PHKB: variants seen among roughly 807,000 people sequenced by gnomAD.
PHKB encodes the protein phosphorylase kinase regulatory subunit beta.
PHKB carries 122 observed loss-of-function variants against 152.1 expected under a neutral mutation model. That is an observed-to-expected ratio of 0.80 (90% CI 0.69 to 0.93). PHKB has a LOEUF of 0.93. Ranked by LOEUF, PHKB falls within the 40% of genes least tolerant of loss-of-function variation. The pLI is 0.00. For missense variants in PHKB, 1,304 were observed against 1,328.4 expected (o/e 0.98, Z 0.29); for synonymous variants, 436 against 464.9 (o/e 0.94, Z 0.80).
intron 14 of PHKB, among the ~76,000 whole-genome samples, chr16:47,612,084 G>A (rs1378012999): frequency 2.0e-5 from 3 of 152,220 alleles, no homozygotes; most frequent in Non-Finnish European, 4.4e-5. Flanking sequence ...AACAAAACAA[G>A]TGTTTGTAGG....
chr16:47,696,335 C>G lies in PHKB; in HGVS notation c.2896-46C>G, dbSNP rs776320676. 25 of 915,744 alleles carry G rather than the reference C, an allele frequency of 2.7e-5. No individual in the cohort carries two copies. The South Asian group carries it at 3.1e-4, about 11-fold the overall frequency. 56.7% of individuals were successfully genotyped at this position (915,744 alleles called of 1,614,324 possible). A position where few individuals can be genotyped will look rare whatever the true frequency, so the allele number is the denominator to read the frequency against. On this transcript the variant is annotated intron_variant, in intron 28 of 30. Coordinates refer to ENST00000323584, the MANE Select transcript of PHKB (RefSeq NM_000293.3). ...TGAAATTCTTCTATTAAATGAGAAC[C>G]AGAGCATAACGGTTCAGCATGTTAA...
In PHKB at chr16:47,641,681, G is replaced by C; in HGVS notation, c.1597G>C (p.Glu533Gln). The C allele has an allele frequency of 6.3e-7, 1 of 1,576,524 alleles. No individual in the cohort carries two copies. Among genetic ancestry groups the C allele is most frequent in the Non-Finnish European group, 8.7e-7 (1 of 1,145,834 alleles). The change falls in exon 16 of 31, where the codon GAG becomes CAG. Residue 533 changes from glutamate to glutamine, a missense_variant. Physicochemically the swap from Glu to Gln is conservative, Grantham distance 29. Coordinates refer to ENST00000323584, the MANE Select transcript of PHKB (RefSeq NM_000293.3). Reference sequence around the variant, plus strand: ...ACCCATTCAGATATGGCCTCAGCAGGAGCTTGTGAAAGTAAGTGATTCTGC... The same window carrying C: ...ACCCATTCAGATATGGCCTCAGCAGCAGCTTGTGAAAGTAAGTGATTCTGC... ...VEPIQIWPQQ[E>Q]LVKAYLQLGI... is the part of the protein sequence containing the mutation.
Position 47,693,390 on chromosome 16 carries a change from C to T in PHKB, c.2778C>T (p.Asn926=), listed in dbSNP as rs1160328622. 4 of 1,614,018 alleles carry T rather than the reference C, an allele frequency of 2.5e-6. No individual in the cohort carries two copies. Among genetic ancestry groups the T allele is most frequent in the Admixed American group, 1.7e-5 (1 of 59,988 alleles). ...CCTTTTGTTACAGATGTTGGCTGAA[C>T]AGGCGTCAGATCGATGGGTCTTTGA... ...QPQQNGRCWL[N]RRQIDGSLNR... is the part of the protein sequence containing the mutation. The change falls in exon 28 of 31, where the codon AAC becomes AAT. Residue 926 remains asparagine (N), a synonymous_variant. Coordinates refer to ENST00000323584, the MANE Select transcript of PHKB (RefSeq NM_000293.3).
chr16:47,610,587 T>C (rs535868902), intron 13 of PHKB, among the ~76,000 whole-genome samples: 2 of 152,326 alleles, frequency 1.3e-5, no homozygotes, highest in East Asian at 3.9e-4. Context: ...CTTTCTGTTA[T>C]TGATGCCTAA....
intron 26 of PHKB, among the ~76,000 whole-genome samples, chr16:47,670,332 A>C (rs112447883): frequency 6.5e-4 from 99 of 152,306 alleles, no homozygotes; most frequent in African/African-American, 2.2e-3. Context: ...TATGAGTGTG[A>C]AATAAGTATA....
At chr16:47,501,487 T>C (rs1197383206) in intron 3 of PHKB, among the ~76,000 whole-genome samples, 1 of 152,194 alleles carries the variant, frequency 6.6e-6, no homozygotes, top group Non-Finnish European at 1.5e-5. Context: ...TCATATAGTA[T>C]CAGTATTAAA....
intron 7 of PHKB, among the ~76,000 whole-genome samples, chr16:47,560,168 G>T (rs1971451819): frequency 6.6e-6 from 1 of 152,124 alleles, no homozygotes; most frequent in African/African-American, 2.4e-5. Flanking sequence ...TTCTAGTAGG[G>T]TACAAAGTTT....
chr16:47,671,782 A>G (rs956335857), intron 26 of PHKB, among the ~76,000 whole-genome samples: 2 of 152,202 alleles, frequency 1.3e-5, no homozygotes, highest in African/African-American at 4.8e-5. Flanking sequence ...AACATTGCGA[A>G]CAACCTAGAT....
At chr16:47,463,332 G>A (rs1969609304) in intron 1 of PHKB, 1 of 153,376 alleles carries the variant, frequency 6.5e-6, no homozygotes. Flanking sequence ...TAGTATCAAT[G>A]TTGAATGTTC....
intron 6 of PHKB, among the ~76,000 whole-genome samples, chr16:47,523,966 A>C (rs560302727): frequency 2.6e-5 from 4 of 152,032 alleles, no homozygotes; most frequent in South Asian, 4.1e-4. Context: ...TTTCATGTGT[A>C]CTATGATTTT....
intron 13 of PHKB, among the ~76,000 whole-genome samples, chr16:47,602,110 G>A (rs1972238659): frequency 6.6e-6 from 1 of 152,052 alleles, no homozygotes; most frequent in African/African-American, 2.4e-5. Flanking sequence ...ACCTAGGCTG[G>A]AGTGCAGTGG....
At chr16:47,518,669 A>G (rs185009271) in intron 6 of PHKB, among the ~76,000 whole-genome samples, 117 of 152,250 alleles carry the variant, frequency 7.7e-4, no homozygotes, top group Non-Finnish European at 1.6e-4. Flanking sequence ...CTCATTTTTT[A>G]TTAAAAATAA....
At chr16:47,618,537 T>C (rs1433153521) in intron 14 of PHKB, among the ~76,000 whole-genome samples, 3 of 152,226 alleles carry the variant, frequency 2.0e-5, no homozygotes, top group Non-Finnish European at 2.9e-5. Context: ...TAAATAATTA[T>C]GATGTCCCCA....
intron 28 of PHKB, among the ~76,000 whole-genome samples, chr16:47,696,065 A>G (rs755269556): frequency 1.3e-5 from 2 of 152,198 alleles, no homozygotes; most frequent in Non-Finnish European, 2.9e-5. Flanking sequence ...TCTGAAAGCA[A>G]TATGTACACT....
intron 13 of PHKB, among the ~76,000 whole-genome samples, chr16:47,605,795 T>C (rs1972312554): frequency 6.6e-6 from 1 of 152,190 alleles, no homozygotes; most frequent in Non-Finnish European, 1.5e-5. Context: ...CATGTCTAAA[T>C]AGTTTTTTTT....
At chr16:47,515,968 A>C (rs1159103143) in intron 6 of PHKB, among the ~76,000 whole-genome samples, 1 of 148,876 alleles carries the variant, frequency 6.7e-6, no homozygotes, top group African/African-American at 2.5e-5. Flanking sequence ...TTGCTCTGTC[A>C]CGGGGCTGGA....
chr16:47,574,272 TC>T (rs1182648710), intron 7 of PHKB, among the ~76,000 whole-genome samples: 1 of 152,188 alleles, frequency 6.6e-6, no homozygotes, highest in Non-Finnish European at 1.5e-5. Context: ...GTTGAGACAT[TC>T]CCCTGTGGCC....
chr16:47,506,442 G>A (rs1410080756), intron 4 of PHKB, among the ~76,000 whole-genome samples: 3 of 152,178 alleles, frequency 2.0e-5, no homozygotes. Flanking sequence ...TTGAAATAAA[G>A]TAGTATGTCA....
At chr16:47,665,421 T>C in intron 25 of PHKB, 1 of 224,270 alleles carries the variant, frequency 4.5e-6, no homozygotes. Flanking sequence ...ACATTATGGC[T>C]TTATCAGTAA....
Sources: gnomAD v4.1 joint callset for allele counts (sites outside exome capture counted in the v4.1 genomes callset) on GRCh38, gnomAD v4.1.1 for gene constraint, MANE v1.5 for transcripts, NCBI Gene and HGNC (gene_info 2026-07-23, HGNC 2026-07-21) for gene names.